The following IHO1 variants were observed in gnomAD, a reference collection of about 807,000 sequenced individuals.
IHO1 encodes the protein interactor of HORMAD1 1, also known as interactor of HORMAD1 protein 1.
Under a neutral mutation model 31.0 loss-of-function variants are expected in IHO1, and 13 were observed. That is an observed-to-expected ratio of 0.42 (90% CI 0.27 to 0.67). The LOEUF is 0.67. IHO1 is among the 30% of genes least tolerant of loss of function. The pLI, the probability that IHO1 is intolerant of heterozygous loss-of-function variation, is 0.24. For missense variants in IHO1, 599 were observed against 687.5 expected, an observed-to-expected ratio of 0.87 and a Z score of 1.44; for synonymous variants, 221 against 248.4, an observed-to-expected ratio of 0.89 and a Z score of 1.04.
chr3:49,217,035 TTGG>T (rs1388127499), intron 2 of IHO1, among the ~76,000 whole-genome samples: 1 of 152,192 alleles, frequency 6.6e-6, no homozygotes, highest in Non-Finnish European at 1.5e-5. Flanking sequence ...TTTTACACTG[TTGG>T]TGGGAGTGTA....
upstream of IHO1, chr3:49,198,488 CT>C: frequency 6.6e-6 from 1 of 152,440 alleles, no homozygotes; most frequent in Non-Finnish European, 1.5e-5. Context: ...ATCCAATCTC[CT>C]TTCCATTTAT....
intron 6 of IHO1, among the ~76,000 whole-genome samples, chr3:49,247,396 A>T (rs554029971): frequency 6.8e-6 from 1 of 148,136 alleles, no homozygotes; most frequent in Non-Finnish European, 1.5e-5. Flanking sequence ...ACACCTGGCT[A>T]TTTTTTTGTA....
chr3:49,202,632 TC>T (rs2046084050), intron 1 of IHO1, among the ~76,000 whole-genome samples: 1 of 151,558 alleles, frequency 6.6e-6, no homozygotes, highest in Admixed American at 6.6e-5. Flanking sequence ...CACCTCGGCC[TC>T]CCAAAGTGCT....
At chr3:49,211,013 T>G (rs551467931) in intron 1 of IHO1, among the ~76,000 whole-genome samples, 40 of 146,908 alleles carry the variant, frequency 2.7e-4, no homozygotes, top group East Asian at 2.2e-3. Context: ...TTAGTTTTTT[T>G]TTTTTTTTTT....
intron 1 of IHO1, among the ~76,000 whole-genome samples, chr3:49,202,165 A>C (rs1407629091): frequency 6.6e-6 from 1 of 152,090 alleles, no homozygotes; most frequent in Non-Finnish European, 1.5e-5. Flanking sequence ...GAGACAGAAA[A>C]GACAAGTTAA....
At position 49,237,731 on chromosome 3, in the gene IHO1, A is replaced by C. The variant is rs546519245; in HGVS notation, c.231+1009A>C. ...TTAGACAGACTTTTTTAAATAATAA[A>C]CTTCATGTAATCTGTATACTTTAGT... On this transcript the variant is annotated intron_variant, in intron 3 of 7. Transcript: ENST00000452691. 9.2e-4 allele frequency among the ~76,000 whole-genome samples: 140 copies of C among 151,892 alleles called. 1 individual carries two copies. Among genetic ancestry groups the C allele is most frequent in the Non-Finnish European group, 1.3e-3 (88 of 67,982 alleles).
intron 1 of IHO1, chr3:49,199,970 A>C (rs1295807377): frequency 6.6e-6 from 1 of 152,202 alleles, no homozygotes; most frequent in African/African-American, 2.4e-5. Flanking sequence ...CTGGAAAGAC[A>C]TCAGAAGGAT....
chr3:49,194,581 G>C (rs6794924), upstream of IHO1, among the ~76,000 whole-genome samples: 1 of 144,348 alleles, frequency 6.9e-6, no homozygotes, highest in East Asian at 2.3e-4. Flanking sequence ...GTGAGCCACC[G>C]TGCCCAGCCC....
chr3:49,234,336 A>T (rs779321111), intron 2 of IHO1, among the ~76,000 whole-genome samples: 7 of 151,306 alleles, frequency 4.6e-5, no homozygotes, highest in Admixed American at 3.3e-4. Flanking sequence ...CGCCATGCCC[A>T]GCTAATTTTT....
intron 6 of IHO1, among the ~76,000 whole-genome samples, chr3:49,247,660 A>T (rs2046710918): frequency 6.6e-6 from 1 of 151,794 alleles, no homozygotes; most frequent in South Asian, 2.1e-4. Flanking sequence ...CATGGGACAT[A>T]TGCCTGTAGT....
At chr3:49,202,057 A>G (rs2046076533) in intron 1 of IHO1, among the ~76,000 whole-genome samples, 1 of 152,204 alleles carries the variant, frequency 6.6e-6, no homozygotes, top group Non-Finnish European at 1.5e-5. Flanking sequence ...TGTTCCAGGA[A>G]TGATTTTTAG....
chr3:49,236,632 C>T lies in IHO1; in HGVS notation c.141C>T (p.Phe47=), dbSNP rs374523474. 1.6e-5 allele frequency: 26 copies of T among 1,613,654 alleles called. No individual in the cohort carries two copies. The African/African-American group carries it at 2.3e-4, about 14-fold the overall frequency. The part of the protein sequence containing the change: ...SDSQFLFGSQ[F]CPENSETLSA... ...CCCAGTTCCTCTTTGGATCTCAGTT[C>T]TGTCCAGAAAATTCAGAAACCCTAT... Residue 47 remains phenylalanine, a synonymous_variant, in exon 3 of 8, where the codon TTC becomes TTT. Transcript: ENST00000452691.
At chr3:49,240,593 G>A (rs2046619178) in intron 3 of IHO1, among the ~76,000 whole-genome samples, 1 of 152,154 alleles carries the variant, frequency 6.6e-6, no homozygotes, top group Non-Finnish European at 1.5e-5. Context: ...TCCTGACCTT[G>A]TGATCCACCC....
chr3:49,222,893 A>G (rs1022201792), intron 2 of IHO1, among the ~76,000 whole-genome samples: 4 of 151,896 alleles, frequency 2.6e-5, no homozygotes, highest in African/African-American at 9.7e-5. Context: ...CCAAGATTCC[A>G]CTCCTGCCAC....
chr3:49,256,768 AT>A lies in IHO1; in HGVS notation c.1274del (p.Leu425TrpfsTer2). 1 of 1,614,238 alleles carries A rather than the reference AT, an allele frequency of 6.2e-7. No individual in the cohort carries two copies. Among genetic ancestry groups the A allele is most frequent in the Non-Finnish European group, 8.5e-7 (1 of 1,180,048 alleles). On this transcript the variant is annotated frameshift_variant, in exon 8 of 8. Coordinates refer to ENST00000452691, the MANE Select transcript of IHO1 (RefSeq NM_001135197.2). LOFTEE classifies it low-confidence loss of function (END_TRUNC). This position sits in a 1 kb window ranked among gnomAD's most constrained non-coding sequence, Gnocchi z 4.6. ...QSMFLCDPREHLVIKQKDGTV... is the reference protein window; with the variant it reads ...QSMFLCDPREXLVIKQKDGTV... ...ATGTTTTTGTGTGACCCACGTGAAC[AT>A]TTGGTGATTAAACAGAAAGATGGGA...
chr3:49,205,524 T>C (rs2046124584), intron 1 of IHO1, among the ~76,000 whole-genome samples: 1 of 152,038 alleles, frequency 6.6e-6, no homozygotes, highest in African/African-American at 2.4e-5. Context: ...TTCCACCATG[T>C]TGACCAGGCT....
intron 1 of IHO1, among the ~76,000 whole-genome samples, chr3:49,209,432 C>T (rs994967315): frequency 6.6e-6 from 1 of 151,638 alleles, no homozygotes; most frequent in Non-Finnish European, 1.5e-5. Flanking sequence ...GTCAGGAGTT[C>T]GGCCCAACCT....
Position 49,246,312 on chromosome 3 carries a change from TAAGTACCCAAGGA to T in IHO1, c.532+1586_532+1598del, listed in dbSNP as rs529661241. Among the ~76,000 whole-genome samples the T allele has an allele frequency of 1.7e-4, 26 of 151,694 alleles. No homozygotes were observed. In the South Asian group the frequency reaches 3.3e-3, roughly 19 times the overall value. On this transcript the variant is annotated intron_variant, in intron 6 of 7. Transcript: ENST00000452691. Reference sequence around the variant, plus strand: ...ATAACATGATAGAGTAAGTCATTTATAAGTACCCAAGGAAAGTACTCTGTTTTTGTTTTACATT... The same window carrying T: ...ATAACATGATAGAGTAAGTCATTTATAAGTACTCTGTTTTTGTTTTACATT...
chr3:49,197,243 G>A (rs1047341659), upstream of IHO1, among the ~76,000 whole-genome samples: 3 of 150,936 alleles, frequency 2.0e-5, no homozygotes, highest in African/African-American at 7.3e-5. Flanking sequence ...GCCCACCTTG[G>A]CCTCCCAAAG....
Sources: allele counts gnomAD v4.1 joint callset (sites outside exome capture counted in the v4.1 genomes callset), GRCh38; gene constraint gnomAD v4.1.1; non-coding constraint Gnocchi (gnomAD v3.1); transcripts MANE v1.5; gene names NCBI Gene and HGNC (gene_info 2026-07-23, HGNC 2026-07-21).